The following PCDHA3 variants were observed in gnomAD, a reference collection of about 807,000 sequenced individuals.
PCDHA3 encodes the protein protocadherin alpha 3, also known as protocadherin alpha-3.
PCDHA3 carries 41 observed loss-of-function variants against 62.2 expected under a neutral mutation model. That is an observed-to-expected ratio of 0.66 (90% CI 0.51 to 0.86). The LOEUF is 0.86. Among genes scored for constraint, PCDHA3 ranks in the 40% least tolerant of loss-of-function variants. The pLI, the probability that PCDHA3 is intolerant of heterozygous loss-of-function variation, is 0.00. For missense variants in PCDHA3, 1,304 were observed against 1,241.2 expected (o/e 1.05, Z -0.76); for synonymous variants, 640 against 555.4 (o/e 1.15, Z -2.14).
At chr5:140,838,624 A>G (rs181370925) in intron 1 of PCDHA3, among the ~76,000 whole-genome samples, 2 of 152,192 alleles carry the variant, frequency 1.3e-5, no homozygotes, top group Admixed American at 1.3e-4. Flanking sequence ...TTTTTTACAA[A>G]TAATTTGGTT....
chr5:141,010,276 TTGA>T lies in PCDHA3; in HGVS notation c.*343_*345del, dbSNP rs1554262867. On this transcript the variant is annotated 3_prime_UTR_variant, in exon 4 of 4. Transcript: ENST00000522353. ...TGCCCTGTGCTCCGGGGATCCTGTC[TTGA>T]TGACACTTGCAGGGCAGGCTGAAAA... is the stretch of plus-strand genomic sequence containing the variant. The T allele has an allele frequency of 4.5e-6, 7 of 1,551,580 alleles. No individual in the cohort carries two copies. The highest frequency in any genetic ancestry group is 6.1e-6 in the Non-Finnish European group (7 of 1,146,976).
chr5:140,841,654 C>A lies in PCDHA3; in HGVS notation c.2394+38063C>A, dbSNP rs1270188852. The A allele has an allele frequency of 6.2e-6, 10 of 1,613,990 alleles. No homozygotes were observed. In the East Asian group the frequency reaches 1.3e-4, roughly 22 times the overall value. On this transcript the variant is annotated intron_variant, in intron 1 of 3. Transcript: ENST00000522353. ...GCATCCACCTGGAGGTGATCGTGGA[C>A]AGGCCGCTGCAGGTTTTCCATGTGG...
chr5:140,911,147 C>T (rs978714342), intron 1 of PCDHA3, among the ~76,000 whole-genome samples: 6 of 152,218 alleles, frequency 3.9e-5, no homozygotes, highest in Non-Finnish European at 8.8e-5. Context: ...GGTTTTTCTC[C>T]TCAGACAAAT....
intron 1 of PCDHA3, chr5:140,966,939 TG>T: frequency 1.2e-6 from 2 of 1,604,434 alleles, no homozygotes; most frequent in Non-Finnish European, 1.7e-6. Flanking sequence ...GGCGCGCTCG[TG>T]GGCAACGTGG....
intron 1 of PCDHA3, chr5:140,929,216 A>G: frequency 6.2e-7 from 1 of 1,614,100 alleles, no homozygotes; most frequent in Non-Finnish European, 8.5e-7. Flanking sequence ...CGTGGGGAGT[A>G]CAATGCTGCC....
At chr5:140,870,557 A>G (rs1554164412) in intron 1 of PCDHA3, 5 of 1,613,906 alleles carry the variant, frequency 3.1e-6, no homozygotes, top group African/African-American at 2.7e-5. Context: ...GACGCGCAGG[A>G]GAACGCGCTG....
intron 1 of PCDHA3, among the ~76,000 whole-genome samples, chr5:140,974,906 T>G (rs1197306976): frequency 6.6e-6 from 1 of 152,182 alleles, no homozygotes; most frequent in Non-Finnish European, 1.5e-5. Flanking sequence ...TTGTAACAAA[T>G]TACCACAAGT....
At chr5:140,864,838 A>C (rs868993134) in intron 1 of PCDHA3, 5 of 152,252 alleles carry the variant, frequency 3.3e-5, no homozygotes, top group Admixed American at 1.3e-4. Flanking sequence ...AGTATAAGAG[A>C]GTCTTCCCAT....
rs2150344223 is a variant in PCDHA3 at position 140,842,785 on chromosome 5, G to T, written c.2394+39194G>T. The T allele has an allele frequency of 1.1e-4, 175 of 1,594,390 alleles. 18 individuals are homozygous for T. Among genetic ancestry groups the T allele is most frequent in the Non-Finnish European group, 1.4e-4 (165 of 1,165,442 alleles). ...GAGACGCGGACGCGCAGGAGAACGCGCTGGTGTCCTACTCGCTTGTGGAGC... is the reference window on the plus strand; with the variant it reads ...GAGACGCGGACGCGCAGGAGAACGCTCTGGTGTCCTACTCGCTTGTGGAGC... On this transcript the variant is annotated intron_variant, in intron 1 of 3. Coordinates refer to ENST00000522353, the MANE Select transcript of PCDHA3 (RefSeq NM_018906.3).
intron 1 of PCDHA3, chr5:140,862,613 A>G (rs1247840424): frequency 7.6e-6 from 4 of 522,928 alleles, no homozygotes; most frequent in Non-Finnish European, 1.6e-5. Flanking sequence ...GTGAAAGGTA[A>G]CAACCCGCGG....
At position 140,807,863 on chromosome 5, in the gene PCDHA3, G is replaced by T. The variant is rs529221273; in HGVS notation, c.2394+4272G>T. The T allele has an allele frequency of 6.2e-6, 10 of 1,614,064 alleles. No homozygotes were observed. In the South Asian group the frequency reaches 8.8e-5, roughly 14 times the overall value. On this transcript the variant is annotated intron_variant, in intron 1 of 3. Coordinates refer to ENST00000522353, the MANE Select transcript of PCDHA3 (RefSeq NM_018906.3). Reference sequence around the variant, plus strand: ...AGGCAAACCCGAGTTGACTGGCACCGTTCAGTTACTCATCACAGTACTGGA... The same window carrying T: ...AGGCAAACCCGAGTTGACTGGCACCTTTCAGTTACTCATCACAGTACTGGA...
chr5:140,926,819 C>T, intron 1 of PCDHA3: 1 of 1,493,950 alleles, frequency 6.7e-7, no homozygotes. Context: ...CTCGTGCTCT[C>T]CAGGAGTCCG....
At chr5:140,893,119 C>T (rs2063831505) in intron 1 of PCDHA3, among the ~76,000 whole-genome samples, 1 of 152,174 alleles carries the variant, frequency 6.6e-6, no homozygotes, top group Admixed American at 6.5e-5. Context: ...TGTGCATATA[C>T]ACCACATTTT....
chr5:140,995,800 A>G (rs180764210), intron 3 of PCDHA3, among the ~76,000 whole-genome samples: 3 of 152,282 alleles, frequency 2.0e-5, no homozygotes, highest in Non-Finnish European at 2.9e-5. Context: ...GTCTCATGTT[A>G]GTTTCTGAAG....
intron 1 of PCDHA3, among the ~76,000 whole-genome samples, chr5:140,922,711 A>G (rs2080951866): frequency 6.6e-6 from 1 of 152,270 alleles, no homozygotes; most frequent in Non-Finnish European, 1.5e-5. Flanking sequence ...GTCAAGAACA[A>G]AAAGAAACAC....
At chr5:140,919,932 C>A (rs2079357842) in intron 1 of PCDHA3, among the ~76,000 whole-genome samples, 1 of 151,968 alleles carries the variant, frequency 6.6e-6, no homozygotes, top group Non-Finnish European at 1.5e-5. Flanking sequence ...CAGGTGGGGG[C>A]TAATTCCAGT....
At position 140,845,330 on chromosome 5, in the gene PCDHA3, G is replaced by C. The variant is rs2150378470; in HGVS notation, c.2394+41739G>C. ...GTTCTCAGGTATTACTTTAATTACTGAATTCTCCTAAACATTTAATTGACT... is the reference window on the plus strand; with the variant it reads ...GTTCTCAGGTATTACTTTAATTACTCAATTCTCCTAAACATTTAATTGACT... On this transcript the variant is annotated intron_variant, in intron 1 of 3. Coordinates refer to ENST00000522353, the MANE Select transcript of PCDHA3 (RefSeq NM_018906.3). Among the ~76,000 whole-genome samples the C allele has an allele frequency of 1.2e-4, 18 of 149,276 alleles. 2 individuals carry two copies. Among genetic ancestry groups the C allele is most frequent in the Non-Finnish European group, 2.2e-4 (15 of 66,728 alleles).
intron 1 of PCDHA3, among the ~76,000 whole-genome samples, chr5:140,891,030 T>G (rs1583035754): frequency 6.6e-6 from 1 of 151,856 alleles, no homozygotes; most frequent in Non-Finnish European, 1.5e-5. Context: ...GGGTATAATC[T>G]TAGGTGTGAC....
intron 1 of PCDHA3, among the ~76,000 whole-genome samples, chr5:140,820,340 A>G (rs2150106662): frequency 6.0e-4 from 91 of 152,142 alleles, no homozygotes; most frequent in African/African-American, 2.1e-3. Flanking sequence ...AATTCCAGAA[A>G]TCAAGTGAAT....
Sources: gnomAD v4.1 joint callset for allele counts (sites outside exome capture counted in the v4.1 genomes callset) on GRCh38, gnomAD v4.1.1 for gene constraint, MANE v1.5 for transcripts, NCBI Gene and HGNC (gene_info 2026-07-23, HGNC 2026-07-21) for gene names.